PHF21A: variants seen among roughly 807,000 people sequenced by gnomAD.
PHF21A encodes BHC80a.
PHF21A carries 11 observed loss-of-function variants against 82.5 expected under a neutral mutation model. That is an observed-to-expected ratio of 0.13 (90% CI 0.08 to 0.22). The LOEUF (loss-of-function observed/expected upper bound fraction) is 0.22, where lower values mean the gene tolerates loss of function less well. PHF21A is among the 10% of genes least tolerant of loss of function. The probability of loss-of-function intolerance (pLI) is 1.00; values close to 1 mark genes in which losing one functional copy is unlikely to be tolerated. For synonymous variants in PHF21A, 297 were observed against 302.8 expected, an observed-to-expected ratio of 0.98 and a Z score of 0.20; for missense variants, 579 against 837.8, an observed-to-expected ratio of 0.69 and a Z score of 3.81.
chr11:46,088,110 G>C (rs1320426570), intron 3 of PHF21A, among the ~76,000 whole-genome samples: 3 of 152,074 alleles, frequency 2.0e-5, no homozygotes, highest in Non-Finnish European at 4.4e-5. Context: ...AATACCACTG[G>C]GAGGCAGTTT....
intron 1 of PHF21A, among the ~76,000 whole-genome samples, chr11:46,100,125 A>G (rs1017044681): frequency 1.1e-4 from 17 of 152,246 alleles, no homozygotes; most frequent in African/African-American, 3.6e-4. Flanking sequence ...AATCACGCTG[A>G]TAAGTAAGTA....
intron 6 of PHF21A, among the ~76,000 whole-genome samples, chr11:46,071,549 G>T (rs553426493): frequency 1.3e-5 from 2 of 152,228 alleles, no homozygotes; most frequent in East Asian, 3.9e-4. Flanking sequence ...GACCAGTTAG[G>T]TATAAGTACT....
At chr11:46,054,176 G>A (rs1031769661) in intron 6 of PHF21A, among the ~76,000 whole-genome samples, 3 of 152,064 alleles carry the variant, frequency 2.0e-5, no homozygotes, top group African/African-American at 7.2e-5. Flanking sequence ...TCTAACTATA[G>A]TCAGAGAAGA....
chr11:45,973,319 C>T (rs1315304970), intron 7 of PHF21A, among the ~76,000 whole-genome samples: 2 of 152,200 alleles, frequency 1.3e-5, no homozygotes, highest in African/African-American at 4.8e-5. Context: ...AGAAACACAT[C>T]TGGACAACTT....
At chr11:46,065,690 A>G (rs1250826724) in intron 6 of PHF21A, among the ~76,000 whole-genome samples, 1 of 152,266 alleles carries the variant, frequency 6.6e-6, no homozygotes, top group Non-Finnish European at 1.5e-5. Flanking sequence ...AAAGCCTGTC[A>G]GTGACTAGCA....
At position 45,929,631 on chromosome 11, in the gene PHF21A, G is replaced by GT. The variant is rs2087485640; in HGVS notation, c.*4336dup. On this transcript the variant is annotated 3_prime_UTR_variant, in exon 19 of 19. Coordinates refer to ENST00000676320, the MANE Select transcript of PHF21A (RefSeq NM_001352027.3). ...CCACGGACACCGGAGAGAGGTGAGGGTCCAAAGGCTGCTGGGGAAGGGGTA... is the reference window on the plus strand; with the variant it reads ...CCACGGACACCGGAGAGAGGTGAGGGTTCCAAAGGCTGCTGGGGAAGGGGTA... 6.6e-6 allele frequency: 1 copy of GT among 152,326 alleles called. No individual in the cohort carries two copies. Among genetic ancestry groups the GT allele is most frequent in the South Asian group, 2.1e-4 (1 of 4,834 alleles). The allele number at this position is 152,326 out of a possible 1,614,324, so 9.4% of individuals were successfully genotyped here.
intron 18 of PHF21A, 79 bp from the exon 19 acceptor site, chr11:45,934,304 TTC>T: frequency 7.2e-7 from 1 of 1,384,944 alleles, no homozygotes; most frequent in Non-Finnish European, 9.9e-7. Context: ...GCAGAGCGCC[TTC>T]TCTCTGCCCA....
intron 3 of PHF21A, among the ~76,000 whole-genome samples, chr11:46,088,183 C>A (rs186257089): frequency 6.6e-6 from 1 of 152,284 alleles, no homozygotes; most frequent in Admixed American, 6.5e-5. Flanking sequence ...TTGACCAATT[C>A]TAACAAGTTA....
chr11:46,037,798 A>C (rs918450664), intron 6 of PHF21A, among the ~76,000 whole-genome samples: 1 of 152,024 alleles, frequency 6.6e-6, no homozygotes, highest in African/African-American at 2.4e-5. Context: ...CAACAGTATG[A>C]ATCTTTTTTT....
chr11:46,010,626 A>T lies in PHF21A; in HGVS notation c.154-30660T>A, dbSNP rs185384972. 6.1e-3 allele frequency among the ~76,000 whole-genome samples: 926 copies of T among 152,348 alleles called. 11 individuals carry two copies. The highest frequency in any genetic ancestry group is 0.021 in the African/African-American group (870 of 41,580). ...TGGTAATTCATAATACTGCAAGTCA[A>T]CAATCACAAAACAAAACAATCTTGG... On this transcript the variant is annotated intron_variant, in intron 6 of 18. Transcript: ENST00000676320.
At chr11:45,958,225 A>G (rs911134195) in intron 10 of PHF21A, among the ~76,000 whole-genome samples, 2 of 150,264 alleles carry the variant, frequency 1.3e-5, no homozygotes, top group Non-Finnish European at 3.0e-5. Flanking sequence ...TCCAGAAAAT[A>G]CACTCTTAAA....
chr11:46,066,584 A>G (rs1037406576), intron 6 of PHF21A, among the ~76,000 whole-genome samples: 68 of 152,244 alleles, frequency 4.5e-4, no homozygotes, highest in African/African-American at 1.6e-3. Flanking sequence ...CTGTAGCCCC[A>G]GCCACTTGGG....
At chr11:46,078,176 A>G (rs950009819) in intron 5 of PHF21A, among the ~76,000 whole-genome samples, 1 of 152,222 alleles carries the variant, frequency 6.6e-6, no homozygotes, top group African/African-American at 2.4e-5. Context: ...TTCAAAAGGA[A>G]TAAGTACGGG....
intron 1 of PHF21A, among the ~76,000 whole-genome samples, chr11:46,093,065 C>A (rs1175262236): frequency 6.6e-6 from 1 of 152,154 alleles, no homozygotes; most frequent in Non-Finnish European, 1.5e-5. Context: ...CACATCTTAC[C>A]ACTTTAGATT....
At chr11:46,000,079 C>T (rs1042890731) in intron 6 of PHF21A, among the ~76,000 whole-genome samples, 8 of 152,164 alleles carry the variant, frequency 5.3e-5, no homozygotes, top group African/African-American at 1.7e-4. Context: ...GAGGACAGTA[C>T]ATTAGCCCTT....
rs995478313 is a variant in PHF21A, at chr11:46,111,031, C to T, written c.-237+9904G>A. Among the ~76,000 whole-genome samples, 7 of 151,546 alleles carry T rather than the reference C, an allele frequency of 4.6e-5. No individual in the cohort carries two copies. The South Asian group carries it at 8.4e-4, about 18-fold the overall frequency. Reference sequence around the variant, plus strand: ...AACTCTTGACCTCAGGTGATCCACCCGCCTCAGCCTACCAAAGAGCTGGGA... The same window carrying T: ...AACTCTTGACCTCAGGTGATCCACCTGCCTCAGCCTACCAAAGAGCTGGGA... On this transcript the variant is annotated intron_variant, in intron 1 of 18. Coordinates refer to ENST00000676320, the MANE Select transcript of PHF21A (RefSeq NM_001352027.3).
chr11:45,976,971 A>G (rs1389323610), intron 7 of PHF21A, among the ~76,000 whole-genome samples: 2 of 152,226 alleles, frequency 1.3e-5, no homozygotes, highest in Admixed American at 1.3e-4. Context: ...TATTTAAAAA[A>G]GGTTGGCAAA....
intron 6 of PHF21A, among the ~76,000 whole-genome samples, chr11:46,003,669 A>T (rs2095216678): frequency 6.6e-6 from 1 of 152,220 alleles, no homozygotes; most frequent in Admixed American, 6.5e-5. Flanking sequence ...GTAGAAGAGA[A>T]GTAAAGATGG....
Position 46,014,763 on chromosome 11 carries a change from G to A in PHF21A, c.154-34797C>T, listed in dbSNP as rs1053117430. 2.2e-4 allele frequency among the ~76,000 whole-genome samples: 11 copies of A among 49,100 alleles called. 5 individuals carry two copies. The highest frequency in any genetic ancestry group is 8.3e-4 in the Admixed American group (4 of 4,804). 32.2% of individuals were successfully genotyped at this position (49,100 alleles called of 152,430 possible). ...TGGGAGGCCGAGGCGGGCGGATCAC[G>A]AGGTCAGGAGATCGAGACCATCCCG... On this transcript the variant is annotated intron_variant, in intron 6 of 18. Coordinates refer to ENST00000676320, the MANE Select transcript of PHF21A (RefSeq NM_001352027.3).
Sources: allele counts gnomAD v4.1 joint callset (sites outside exome capture counted in the v4.1 genomes callset), GRCh38; gene constraint gnomAD v4.1.1; transcripts MANE v1.5; gene names NCBI Gene and HGNC (gene_info 2026-07-23, HGNC 2026-07-21).